Variants in USP9X observed in about 807,000 individuals in gnomAD.
USP9X encodes the protein ubiquitin specific peptidase 9 X-linked.
USP9X carries 7 observed loss-of-function variants against 190.3 expected under a neutral mutation model. The observed-to-expected ratio is 0.04, with a 90% CI of 0.02 to 0.07. The LOEUF (loss-of-function observed/expected upper bound fraction) is 0.07, where lower values mean the gene tolerates loss of function less well. Ranked by LOEUF, USP9X falls within the 10% of genes least tolerant of loss-of-function variation. USP9X has a pLI of 1.00. For synonymous variants in USP9X, 645 were observed against 659.5 expected, an observed-to-expected ratio of 0.98 and a Z score of 0.34; for missense variants, 1,010 against 1,916.9, an observed-to-expected ratio of 0.53 and a Z score of 8.83.
chrX:41,088,102 G>C (rs1429897630), intron 1 of USP9X, among the ~76,000 whole-genome samples: 1 of 111,947 alleles, frequency 8.9e-6, no homozygotes, highest in Non-Finnish European at 1.9e-5. Flanking sequence ...TCCTGCCTCA[G>C]CCTCCCTGGT....
intron 14 of USP9X, among the ~76,000 whole-genome samples, chrX:41,155,985 G>A (rs1283325368): frequency 3.6e-5 from 4 of 112,055 alleles, no homozygotes; most frequent in African/African-American, 6.5e-5. Flanking sequence ...AAATACTCAT[G>A]TAGACAAAAA....
chrX:41,100,590 T>C (rs1281121197), intron 1 of USP9X, among the ~76,000 whole-genome samples: 1 of 111,889 alleles, frequency 8.9e-6, no homozygotes, highest in African/African-American at 3.2e-5. Context: ...ATTTGCTCTT[T>C]CATAAAATCT....
chrX:41,097,040 C>G (rs1400056489), intron 1 of USP9X, among the ~76,000 whole-genome samples: 1 of 100,718 alleles, frequency 9.9e-6, no homozygotes, highest in Non-Finnish European at 2.0e-5. Flanking sequence ...CCTTGTTTCT[C>G]CTGTGTGGTC....
rs149759535 is a variant in USP9X, at chrX:41,208,617, A to G, written c.5016-1892A>G. 2.7e-5 allele frequency among the ~76,000 whole-genome samples: 3 copies of G among 112,265 alleles called. No individual in the cohort carries two copies. The East Asian group carries it at 8.3e-4, about 31-fold the overall frequency. On this transcript the variant is annotated intron_variant, in intron 32 of 44. Transcript: ENST00000378308. ...TATGTTATATTCTTTATGCGGTTTT[A>G]CTAATTAACATTTTGCCATATTTGC...
intron 4 of USP9X, among the ~76,000 whole-genome samples, chrX:41,133,083 T>C (rs1259090634): frequency 1.8e-5 from 2 of 112,010 alleles, no homozygotes; most frequent in Non-Finnish European, 3.8e-5. Flanking sequence ...ACTATCACAA[T>C]TGAAACTGAT....
At chrX:41,185,311 T>C (rs1413005229) in intron 23 of USP9X, among the ~76,000 whole-genome samples, 1 of 112,172 alleles carries the variant, frequency 8.9e-6, no homozygotes, top group African/African-American at 3.2e-5. Context: ...TTTATGGTAA[T>C]ATCACATATA....
intron 33 of USP9X, 65 bp from the exon 34 acceptor site, chrX:41,214,503 A>G (rs1317948626): frequency 1.8e-5 from 19 of 1,037,478 alleles, no homozygotes; most frequent in East Asian, 3.5e-5. Flanking sequence ...TGTAGTTTAC[A>G]TTAAGTCCAT....
At chrX:41,203,030 T>A (rs2063056633) in intron 31 of USP9X, among the ~76,000 whole-genome samples, 1 of 111,623 alleles carries the variant, frequency 9.0e-6, no homozygotes, top group South Asian at 3.7e-4. Flanking sequence ...TGTTGTCTAT[T>A]TCTATATCAG....
intron 21 of USP9X, among the ~76,000 whole-genome samples, chrX:41,174,182 C>A (rs184598680): frequency 8.9e-6 from 1 of 112,055 alleles, no homozygotes; most frequent in East Asian, 2.8e-4. Flanking sequence ...GATGAAATCA[C>A]TTAATGATGC....
chrX:41,088,359 A>G (rs1291705197), intron 1 of USP9X, among the ~76,000 whole-genome samples: 7 of 111,197 alleles, frequency 6.3e-5, no homozygotes, highest in African/African-American at 2.3e-4. Context: ...CTTCTCAGAG[A>G]TTTTTCTTTG....
chrX:41,113,969 T>A lies in USP9X; in HGVS notation c.-158-9502T>A. On this transcript the variant is annotated intron_variant, in intron 1 of 44. Coordinates refer to ENST00000378308, the MANE Select transcript of USP9X (RefSeq NM_001039591.3). ...AATGTGAACAAATGTAAAGATGGAT[T>A]AAGTCATAACTGCATAAAATTAACT... Among the ~76,000 whole-genome samples the A allele has an allele frequency of 2.7e-5, 3 of 112,928 alleles. No homozygotes were observed. In the East Asian group the frequency reaches 8.3e-4, roughly 31 times the overall value.
In USP9X at chrX:41,153,050, T is replaced by G. The variant is rs972565889; in HGVS notation, c.1866T>G (p.Thr622=). ...LVTLVAENLA[T]YMESMRLYAR... ...CTTTGGTAGCAGAAAACCTTGCAAC[T>G]TACATGGAAAGCATGAGACTATATG... Residue 622 remains threonine, a synonymous_variant, in exon 14 of 45, where the codon ACT becomes ACG. Coordinates refer to ENST00000378308, the MANE Select transcript of USP9X (RefSeq NM_001039591.3). 1 of 1,208,659 alleles carries G rather than the reference T, an allele frequency of 8.3e-7. No individual in the cohort carries two copies. Among genetic ancestry groups the G allele is most frequent in the Non-Finnish European group, 1.1e-6 (1 of 894,487 alleles).
At chrX:41,211,477 CTT>C (rs908076484) in intron 33 of USP9X, among the ~76,000 whole-genome samples, 2 of 113,305 alleles carry the variant, frequency 1.8e-5, no homozygotes, top group Admixed American at 1.9e-4. Flanking sequence ...GAAATAATGA[CTT>C]TTAAAATAGC....
intron 32 of USP9X, among the ~76,000 whole-genome samples, chrX:41,207,310 C>T (rs1018830592): frequency 9.1e-6 from 1 of 109,795 alleles, no homozygotes; most frequent in African/African-American, 3.3e-5. Context: ...GTCTCAAATT[C>T]CTGACGTCAG....
chrX:41,183,959 A>G (rs954988751), intron 21 of USP9X, 39 bp from the exon 22 acceptor site: 23 of 1,177,299 alleles, frequency 2.0e-5, no homozygotes, highest in Non-Finnish European at 2.5e-5. Flanking sequence ...GTATGAACAC[A>G]TGAATTACAT....
intron 1 of USP9X, among the ~76,000 whole-genome samples, chrX:41,102,600 G>A (rs970059031): frequency 1.8e-5 from 2 of 111,338 alleles, no homozygotes; most frequent in African/African-American, 6.5e-5. Context: ...TCAAGTCTGG[G>A]CGACAGAACG....
chrX:41,232,537 T>C lies in USP9X; in HGVS notation c.*13T>C. 1 of 1,207,524 alleles carries C rather than the reference T, an allele frequency of 8.3e-7. No individual in the cohort carries two copies. Among genetic ancestry groups the C allele is most frequent in the South Asian group, 1.8e-5 (1 of 56,287 alleles). ...CAAGGATCAATGAAATGCACATAAT[T>C]AACTGGTTCCATCAAGACTGTGCAC... On this transcript the variant is annotated 3_prime_UTR_variant, in exon 45 of 45. Coordinates refer to ENST00000378308, the MANE Select transcript of USP9X (RefSeq NM_001039591.3).
intron 41 of USP9X, among the ~76,000 whole-genome samples, chrX:41,227,727 G>C (rs1370551916): frequency 9.2e-6 from 1 of 109,231 alleles, no homozygotes; most frequent in Admixed American, 9.8e-5. Flanking sequence ...TTGAGAGGGA[G>C]TCTCACTCTG....
chrX:41,140,781 A>G lies in USP9X; in HGVS notation c.770+10A>G, dbSNP rs1226166677. The G allele has an allele frequency of 1.7e-6, 2 of 1,174,505 alleles. No homozygotes were observed. Among genetic ancestry groups the G allele is most frequent in the African/African-American group, 1.8e-5 (1 of 55,728 alleles). ...TTGCAGCCCTTATTAAGTAAGTTAC[A>G]TTTAAAAATCAATGGTTAGTGCACC... On this transcript the variant is annotated intron_variant, in intron 7 of 44. Coordinates refer to ENST00000378308, the MANE Select transcript of USP9X (RefSeq NM_001039591.3).
Sources: gnomAD v4.1 joint callset for allele counts (sites outside exome capture counted in the v4.1 genomes callset) on GRCh38, gnomAD v4.1.1 for gene constraint, MANE v1.5 for transcripts, NCBI Gene and HGNC (gene_info 2026-07-23, HGNC 2026-07-21) for gene names.